Variants in MGAT4A observed in about 807,000 individuals in gnomAD.
MGAT4A encodes the protein N-acetylglucosaminyltransferase IVa.
Under a neutral mutation model 74.1 loss-of-function variants are expected in MGAT4A, and 33 were observed. The ratio of observed to expected loss-of-function variants is 0.45; its 90% CI spans 0.34 to 0.60. The LOEUF is 0.60. Ranked by LOEUF, MGAT4A falls within the 20% of genes least tolerant of loss-of-function variation. The pLI is 0.02. For synonymous variants in MGAT4A, 198 were observed against 210.4 expected, an observed-to-expected ratio of 0.94 and a Z score of 0.51; for missense variants, 479 against 628.3, an observed-to-expected ratio of 0.76 and a Z score of 2.54.
intron 5 of MGAT4A, among the ~76,000 whole-genome samples, chr2:98,659,301 G>A (rs1411026412): frequency 1.3e-5 from 2 of 152,160 alleles, no homozygotes; most frequent in Non-Finnish European, 2.9e-5. Context: ...TGGAGCACAG[G>A]TGATGGGCAA....
Position 98,639,855 on chromosome 2 carries a change from A to T in MGAT4A, c.1275T>A (p.Ala425=). ...EDFFWAITPI[A]GDYILFKFDK... is the part of the protein sequence containing the mutation. ...CAAATTTAAACAAGATGTAGTCTCC[A>T]GCTATCGGTGTGATAGCCCAGAAGA... The change falls in exon 12 of 16, where the codon GCT becomes GCA. Residue 425 remains alanine (A), a synonymous_variant. Coordinates refer to ENST00000393487, the MANE Select transcript of MGAT4A (RefSeq NM_012214.3). 1 of 1,614,064 alleles carries T rather than the reference A, an allele frequency of 6.2e-7. No individual in the cohort carries two copies. Among genetic ancestry groups the T allele is most frequent in the African/African-American group, 1.3e-5 (1 of 75,060 alleles).
At chr2:98,642,569 C>G (rs1320610795) in intron 10 of MGAT4A, among the ~76,000 whole-genome samples, 4 of 152,142 alleles carry the variant, frequency 2.6e-5, no homozygotes, top group African/African-American at 9.7e-5. Flanking sequence ...TTTCACCTCA[C>G]AGGCTCATTT....
chr2:98,634,908 C>T (rs1701295226), intron 14 of MGAT4A, among the ~76,000 whole-genome samples: 2 of 151,884 alleles, frequency 1.3e-5, no homozygotes, highest in African/African-American at 4.8e-5. Flanking sequence ...AGATTCTGGC[C>T]TGTCAATGTG....
rs1425030464 is a variant in MGAT4A at position 98,622,781 on chromosome 2, T to C, written c.*2785A>G. On this transcript the variant is annotated 3_prime_UTR_variant, in exon 16 of 16. Coordinates refer to ENST00000393487, the MANE Select transcript of MGAT4A (RefSeq NM_012214.3). The stretch of plus-strand genomic sequence containing the variant: ...CTGGTCAGAGAGACAGCACACACCA[T>C]ACACACAAACAATCAAAAACTAGAC... The C allele has an allele frequency of 2.0e-6, 2 of 985,456 alleles. No homozygotes were observed. Among genetic ancestry groups the C allele is most frequent in the African/African-American group, 3.5e-5 (2 of 57,192 alleles). 61.0% of individuals were successfully genotyped at this position (985,456 alleles called of 1,614,324 possible). A position where few individuals can be genotyped will look rare whatever the true frequency, so the allele number is the denominator to read the frequency against.
intron 4 of MGAT4A, among the ~76,000 whole-genome samples, chr2:98,670,943 A>G (rs1013695936): frequency 1.3e-5 from 2 of 152,210 alleles, no homozygotes; most frequent in Admixed American, 6.5e-5. Context: ...CTCCACTGTG[A>G]TATCTCAAAA....
chr2:98,713,185 CAAAAAAA>C (rs139508612), intron 2 of MGAT4A, among the ~76,000 whole-genome samples: 7 of 54,218 alleles, frequency 1.3e-4, no homozygotes, highest in Admixed American at 1.2e-3. Flanking sequence ...GATCATGTCT[CAAAAAAA>C]AAAAAAAAAA....
chr2:98,662,080 T>G (rs879495655), intron 5 of MGAT4A, among the ~76,000 whole-genome samples: 2 of 152,192 alleles, frequency 1.3e-5, no homozygotes, highest in Non-Finnish European at 2.9e-5. Flanking sequence ...TGTTCCATAG[T>G]GCATGCTGGA....
intron 4 of MGAT4A, among the ~76,000 whole-genome samples, chr2:98,671,164 A>G (rs1701906455): frequency 1.3e-5 from 2 of 152,104 alleles, no homozygotes; most frequent in Admixed American, 1.3e-4. Flanking sequence ...ACATTCTCAT[A>G]TGTTCCAAAC....
At chr2:98,659,341 G>A (rs780142866) in intron 5 of MGAT4A, among the ~76,000 whole-genome samples, 17 of 152,052 alleles carry the variant, frequency 1.1e-4, no homozygotes, top group South Asian at 2.1e-4. Context: ...TTATTTCTCC[G>A]GTGTGTGTGT....
intron 2 of MGAT4A, among the ~76,000 whole-genome samples, chr2:98,682,599 A>C (rs1446278543): frequency 6.6e-5 from 10 of 152,194 alleles, no homozygotes; most frequent in Admixed American, 6.5e-4. Context: ...ACAAAGAGGG[A>C]AACGATAAAA....
intron 4 of MGAT4A, chr2:98,663,554 A>G (rs1157406784): frequency 9.6e-7 from 1 of 1,038,764 alleles, no homozygotes; most frequent in East Asian, 3.0e-5. Flanking sequence ...CGAGAAGAGC[A>G]CAACATCAGT....
chr2:98,639,164 G>C (rs1030421189), intron 12 of MGAT4A, among the ~76,000 whole-genome samples: 4 of 152,086 alleles, frequency 2.6e-5, no homozygotes, highest in Non-Finnish European at 4.4e-5. Flanking sequence ...TCAGGTACCT[G>C]TAATCCCAGC....
chr2:98,649,576 T>C (rs960326550), intron 8 of MGAT4A, among the ~76,000 whole-genome samples: 7 of 152,154 alleles, frequency 4.6e-5, no homozygotes, highest in African/African-American at 9.7e-5. Context: ...GGCCATCAGT[T>C]GGCACCAGAG....
intron 2 of MGAT4A, among the ~76,000 whole-genome samples, chr2:98,704,048 T>G (rs1390879677): frequency 6.6e-6 from 1 of 152,204 alleles, no homozygotes; most frequent in Admixed American, 6.5e-5. Flanking sequence ...ATCCTCCAAC[T>G]TAACATCTCT....
intron 14 of MGAT4A, among the ~76,000 whole-genome samples, chr2:98,634,018 G>A (rs979126192): frequency 4.6e-5 from 7 of 152,234 alleles, no homozygotes; most frequent in African/African-American, 1.7e-4. Flanking sequence ...GCTTAAAAAT[G>A]TATTTATCCT....
At chr2:98,659,089 T>C (rs1449634593) in intron 5 of MGAT4A, among the ~76,000 whole-genome samples, 1 of 152,192 alleles carries the variant, frequency 6.6e-6, no homozygotes, top group African/African-American at 2.4e-5. Flanking sequence ...CAGAAGAGGA[T>C]GCCTGGAAGA....
At chr2:98,636,422 G>A in intron 13 of MGAT4A, 95 bp downstream of exon 13, 1 of 928,048 alleles carries the variant, frequency 1.1e-6, no homozygotes, top group South Asian at 1.4e-5. Context: ...TGCAAATCAT[G>A]AGAATTTTCT....
intron 4 of MGAT4A, among the ~76,000 whole-genome samples, chr2:98,663,833 T>C (rs983566512): frequency 2.6e-5 from 4 of 152,204 alleles, no homozygotes; most frequent in African/African-American, 9.7e-5. Context: ...CTAAGGTTAG[T>C]GAACAGTGTA....
intron 2 of MGAT4A, among the ~76,000 whole-genome samples, chr2:98,722,682 G>T (rs1702693720): frequency 6.6e-6 from 1 of 152,162 alleles, no homozygotes; most frequent in Non-Finnish European, 1.5e-5. Flanking sequence ...TTAAATGGAT[G>T]AATTGTATAG....
Sources: allele counts gnomAD v4.1 joint callset (sites outside exome capture counted in the v4.1 genomes callset), GRCh38; gene constraint gnomAD v4.1.1; transcripts MANE v1.5; gene names NCBI Gene and HGNC (gene_info 2026-07-23, HGNC 2026-07-21).